Variants in TENT5B observed in about 807,000 individuals in gnomAD.
TENT5B encodes family with sequence similarity 46 member B.
In TENT5B, 12 loss-of-function variants were observed where a neutral mutation model predicts 21.7. That is an observed-to-expected ratio of 0.55 (90% confidence interval 0.36 to 0.90). The LOEUF is 0.90. Among genes scored for constraint, TENT5B ranks in the 40% least tolerant of loss-of-function variants. The pLI is 0.01. For missense variants in TENT5B, 540 were observed against 601.5 expected (o/e 0.90, Z 1.07); for synonymous variants, 262 against 266.6 (o/e 0.98, Z 0.17).
Position 27,006,797 on chromosome 1 carries a change from A to T in TENT5B, c.425T>A (p.Leu142Gln). ...VDLRSEASFQ[L>Q]TKAVVLACLL... ...GCAGGCCAGCACCACTGCCTTGGTC[A>T]GCTGGAAGGATGCCTCACTGCGCAG... Residue 142 changes from leucine (L) to glutamine (Q), a missense_variant, in exon 2 of 2, where the codon CTG becomes CAG. By Grantham distance (113) the Leu-to-Gln change is moderately radical. Transcript: ENST00000289166. The surrounding 1 kb of genome is among the most constrained non-coding windows in gnomAD (Gnocchi z 9.4). The T allele has an allele frequency of 6.2e-7, 1 of 1,614,014 alleles. No individual in the cohort carries two copies. The highest frequency in any genetic ancestry group is 8.5e-7 in the Non-Finnish European group (1 of 1,180,032).
rs371926075 is a variant in TENT5B at position 27,006,149 on chromosome 1, A to G, written c.1073T>C (p.Met358Thr). ...RVVNESTVCL[M>T]NHERRQTLDL... ...CAGCGTCTGGCGGCGCTCGTGGTTC[A>G]TGAGGCACACGGTGCTCTCGTTGAC... The change falls in exon 2 of 2, where the codon ATG (methionine) becomes ACG (threonine). Residue 358 changes from methionine (M) to threonine (T), a missense_variant. Physicochemically the swap from Met to Thr is moderately conservative, Grantham distance 81 (BLOSUM62 -1). Transcript: ENST00000289166. This position sits in a 1 kb window ranked among gnomAD's most constrained non-coding sequence, Gnocchi z 9.4. 3 of 1,609,014 alleles carry G rather than the reference A, an allele frequency of 1.9e-6. No individual in the cohort carries two copies. The highest frequency in any genetic ancestry group is 2.5e-6 in the Non-Finnish European group (3 of 1,177,082).
rs2082630590 is a variant in TENT5B at position 27,012,696 on chromosome 1, C to T, written c.-26G>A. 4.8e-6 allele frequency: 7 copies of T among 1,449,836 alleles called. No homozygotes were observed. The African/African-American group carries it at 1.1e-4, about 22-fold the overall frequency. The allele number at this position is 1,449,836 out of a possible 1,614,324, so 89.8% of individuals were successfully genotyped here. ...CCGCCCGGCCCCCGGGCCCCGACGG[C>T]AGAAACCGTGGGGGTGGTTAAGGGG... On this transcript the variant is annotated 5_prime_UTR_variant, in exon 1 of 2. Transcript: ENST00000289166.
In TENT5B at chr1:27,006,142, G is replaced by A. The variant is rs190999684; in HGVS notation, c.1080C>T (p.His360=). ...VNESTVCLMN[H]ERRQTLDLIA... is the part of the protein sequence containing the mutation. ...TGAGGTCCAGCGTCTGGCGGCGCTC[G>A]TGGTTCATGAGGCACACGGTGCTCT... The change falls in exon 2 of 2, where the codon CAC becomes CAT. Residue 360 remains histidine, a synonymous_variant. Coordinates refer to ENST00000289166, the MANE Select transcript of TENT5B (RefSeq NM_052943.4). This position sits in a 1 kb window ranked among gnomAD's most constrained non-coding sequence, Gnocchi z 9.4. 123 of 1,607,894 alleles carry A rather than the reference G, an allele frequency of 7.6e-5. No homozygotes were observed. The highest frequency in any genetic ancestry group is 5.1e-4 in the East Asian group (23 of 44,722).
At position 27,005,790 on chromosome 1, in the gene TENT5B, T is replaced by C; in HGVS notation, c.*154A>G. 9.6e-7 allele frequency: 1 copy of C among 1,037,828 alleles called. No homozygotes were observed. Among genetic ancestry groups the C allele is most frequent in the Non-Finnish European group, 1.3e-6 (1 of 753,130 alleles). 64.3% of individuals were successfully genotyped at this position (1,037,828 alleles called of 1,614,324 possible). A position where few individuals can be genotyped will look rare whatever the true frequency, so the allele number is the denominator to read the frequency against. ...CATTAAGCCCACAGGGGCCTCGTGCTCGGGAAAGTCTGGTCTGTTCAATCA... is the reference window on the plus strand; with the variant it reads ...CATTAAGCCCACAGGGGCCTCGTGCCCGGGAAAGTCTGGTCTGTTCAATCA... On this transcript the variant is annotated 3_prime_UTR_variant, in exon 2 of 2. Transcript: ENST00000289166.
At chr1:27,011,084 T>G (rs909609076) in intron 1 of TENT5B, among the ~76,000 whole-genome samples, 1 of 152,182 alleles carries the variant, frequency 6.6e-6, no homozygotes, top group South Asian at 2.1e-4. Context: ...CAGGAATGAC[T>G]TGACTGTCCC....
chr1:27,006,514 G>A lies in TENT5B; in HGVS notation c.708C>T (p.Pro236=). ...LLLFGQCSST[P]MSEAFHPTVT... Reference sequence around the variant, plus strand: ...CCGTTGGGTGGAAGGCCTCAGACATGGGAGTGGACGAGCACTGGCCAAAGA... The same window carrying A: ...CCGTTGGGTGGAAGGCCTCAGACATAGGAGTGGACGAGCACTGGCCAAAGA... Residue 236 remains proline (P), a synonymous_variant, in exon 2 of 2, where the codon CCC becomes CCT. Coordinates refer to ENST00000289166, the MANE Select transcript of TENT5B (RefSeq NM_052943.4). This position sits in a 1 kb window ranked among gnomAD's most constrained non-coding sequence, Gnocchi z 9.4. 6.2e-7 allele frequency: 1 copy of A among 1,614,108 alleles called. No homozygotes were observed. Among genetic ancestry groups the A allele is most frequent in the Non-Finnish European group, 8.5e-7 (1 of 1,180,006 alleles).
chr1:27,010,850 A>C (rs758208667), intron 1 of TENT5B, among the ~76,000 whole-genome samples: 7 of 152,200 alleles, frequency 4.6e-5, no homozygotes, highest in South Asian at 2.1e-4. Context: ...ACCTGAAGGG[A>C]TGGAGGCTGA....
intron 1 of TENT5B, among the ~76,000 whole-genome samples, chr1:27,010,009 C>T (rs2082616748): frequency 6.6e-6 from 1 of 152,246 alleles, no homozygotes; most frequent in Admixed American, 6.5e-5. Flanking sequence ...TCCCCACAAC[C>T]ACTCTGCTCC....
rs1297238801 is a variant in TENT5B at position 27,005,238 on chromosome 1, G to A, written c.*706C>T. The A allele has an allele frequency of 6.5e-6, 1 of 152,678 alleles. No homozygotes were observed. Among genetic ancestry groups the A allele is most frequent in the Non-Finnish European group, 1.5e-5 (1 of 68,180 alleles). 9.5% of individuals were successfully genotyped at this position (152,678 alleles called of 1,614,324 possible). The stretch of plus-strand genomic sequence containing the variant: ...GCAGGAGGGCTCCTTGCAACACAAG[G>A]GGGAAAGGAGTGGCACCCTGGAAGG... On this transcript the variant is annotated 3_prime_UTR_variant, in exon 2 of 2. Coordinates refer to ENST00000289166, the MANE Select transcript of TENT5B (RefSeq NM_052943.4).
Position 27,006,937 on chromosome 1 carries a change from C to T in TENT5B, c.285G>A (p.Glu95=), listed in dbSNP as rs780450181. Residue 95 remains glutamate (E), a synonymous_variant, in exon 2 of 2, where the codon GAG becomes GAA. Coordinates refer to ENST00000289166, the MANE Select transcript of TENT5B (RefSeq NM_052943.4). This position sits in a 1 kb window ranked among gnomAD's most constrained non-coding sequence, Gnocchi z 9.4. ...CACTGTGCACATGTAGTCCCTGCTC[C>T]TCCAGGGTGCTGCGGACCACCTGCA... ...QIVQVVRSTL[E]EQGLHVHSVR... is the part of the protein sequence containing the mutation. The T allele has an allele frequency of 1.3e-6, 2 of 1,592,388 alleles. No homozygotes were observed. The highest frequency in any genetic ancestry group is 1.3e-5 in the African/African-American group (1 of 74,624).
At position 27,006,095 on chromosome 1, in the gene TENT5B, G is replaced by A. The variant is rs755131884; in HGVS notation, c.1127C>T (p.Ala376Val). Residue 376 changes from alanine (A) to valine (V), a missense_variant, in exon 2 of 2, where the codon GCA becomes GTA. By Grantham distance (64) the Ala-to-Val change is moderately conservative. Transcript: ENST00000289166. The surrounding 1 kb of genome is among the most constrained non-coding windows in gnomAD (Gnocchi z 9.4). Reference sequence around the variant, plus strand: ...GGCAGCTGGGCCCTGCTCAGCCAGTGCCTGCAGCGCCAGTGCGGCAATGAG... The same window carrying A: ...GGCAGCTGGGCCCTGCTCAGCCAGTACCTGCAGCGCCAGTGCGGCAATGAG... ...LDLIAALALQALAEQGPAATA... is the reference protein window; with the variant it reads ...LDLIAALALQVLAEQGPAATA... The A allele has an allele frequency of 1.2e-6, 2 of 1,609,890 alleles. No homozygotes were observed. The highest frequency in any genetic ancestry group is 1.1e-5 in the South Asian group (1 of 90,812).
chr1:27,012,289 A>G (rs1256975132), intron 1 of TENT5B, 118 bp downstream of exon 1: 81 of 1,460,336 alleles, frequency 5.5e-5, no homozygotes, highest in Non-Finnish European at 6.8e-5. Context: ...TGTTACAGCC[A>G]TGTCCCCGTT....
At chr1:27,009,911 T>C (rs1230564966) in intron 1 of TENT5B, among the ~76,000 whole-genome samples, 2 of 152,234 alleles carry the variant, frequency 1.3e-5, no homozygotes, top group African/African-American at 4.8e-5. Flanking sequence ...ACCCAAGTAC[T>C]GCAGGGCAGC....
At position 27,006,695 on chromosome 1, in the gene TENT5B, T is replaced by G; in HGVS notation, c.527A>C (p.Lys176Thr). The G allele has an allele frequency of 6.2e-7, 1 of 1,614,150 alleles. No homozygotes were observed. The highest frequency in any genetic ancestry group is 2.2e-5 in the East Asian group (1 of 44,884). The change falls in exon 2 of 2, where the codon AAG (lysine) becomes ACG (threonine). Residue 176 changes from lysine (K) to threonine (T), a missense_variant. Coordinates refer to ENST00000289166, the MANE Select transcript of TENT5B (RefSeq NM_052943.4). This position sits in a 1 kb window ranked among gnomAD's most constrained non-coding sequence, Gnocchi z 9.4. ...PLTLKEAYVQ[K>T]LVKVCTDSDR... Reference sequence around the variant, plus strand: ...CGAGTCTGTGCACACTTTCACCAGCTTCTGCACGTATGCCTCCTTGAGTGT... The same window carrying G: ...CGAGTCTGTGCACACTTTCACCAGCGTCTGCACGTATGCCTCCTTGAGTGT...
At chr1:27,010,444 A>G (rs1355837740) in intron 1 of TENT5B, among the ~76,000 whole-genome samples, 1 of 148,920 alleles carries the variant, frequency 6.7e-6, no homozygotes, top group Non-Finnish European at 1.5e-5. Context: ...CCCTGCACAC[A>G]TCCCAACAGC....
Position 27,006,462 on chromosome 1 carries a change from A to C in TENT5B, c.760T>G (p.Phe254Val), listed in dbSNP as rs549186623. Reference sequence around the variant, plus strand: ...CGCAGGTGCTCCAGGGCCTCGGTGAAGTCCCCGTACAGGCTTTCGCCTGTG... The same window carrying C: ...CGCAGGTGCTCCAGGGCCTCGGTGACGTCCCCGTACAGGCTTTCGCCTGTG... ...TVTGESLYGDFTEALEHLRHR... is the reference protein window; with the variant it reads ...TVTGESLYGDVTEALEHLRHR... The change falls in exon 2 of 2, where the codon TTC becomes GTC. Residue 254 changes from phenylalanine (F) to valine (V), a missense_variant. Transcript: ENST00000289166. The surrounding 1 kb of genome is among the most constrained non-coding windows in gnomAD (Gnocchi z 9.4). 6.2e-7 allele frequency: 1 copy of C among 1,613,846 alleles called. No homozygotes were observed. Among genetic ancestry groups the C allele is most frequent in the East Asian group, 2.2e-5 (1 of 44,862 alleles).
Position 27,006,138 on chromosome 1 carries a change from G to A in TENT5B, c.1084C>T (p.Arg362Cys), listed in dbSNP as rs186358289. ...ESTVCLMNHERRQTLDLIAAL... is the reference protein window; with the variant it reads ...ESTVCLMNHECRQTLDLIAAL... ...GCAATGAGGTCCAGCGTCTGGCGGC[G>A]CTCGTGGTTCATGAGGCACACGGTG... Residue 362 changes from arginine (R) to cysteine (C), a missense_variant, in exon 2 of 2, where the codon CGC (arginine) becomes TGC (cysteine). Physicochemically the swap from Arg to Cys is radical, Grantham distance 180. Coordinates refer to ENST00000289166, the MANE Select transcript of TENT5B (RefSeq NM_052943.4). The surrounding 1 kb of genome is among the most constrained non-coding windows in gnomAD (Gnocchi z 9.4). 62 of 1,607,786 alleles carry A rather than the reference G, an allele frequency of 3.9e-5. No homozygotes were observed. Among genetic ancestry groups the A allele is most frequent in the Non-Finnish European group, 4.9e-5 (58 of 1,176,230 alleles).
chr1:27,007,954 C>T (rs2082608552), intron 1 of TENT5B, among the ~76,000 whole-genome samples: 1 of 152,128 alleles, frequency 6.6e-6, no homozygotes, highest in Admixed American at 6.5e-5. Flanking sequence ...CACCTATGTC[C>T]TTTTGACTAC....
chr1:27,012,320 T>C, intron 1 of TENT5B, 87 bp downstream of exon 1: 1 of 1,537,630 alleles, frequency 6.5e-7, no homozygotes, highest in Non-Finnish European at 8.7e-7. Context: ...CCTAGCTGTC[T>C]AGAAAGTCAA....
Sources: gnomAD v4.1 joint callset for allele counts (sites outside exome capture counted in the v4.1 genomes callset) on GRCh38, gnomAD v4.1.1 for gene constraint, Gnocchi (gnomAD v3.1) non-coding constraint, MANE v1.5 for transcripts, NCBI Gene and HGNC (gene_info 2026-07-23, HGNC 2026-07-21) for gene names.